RGS7: variants seen among roughly 807,000 people sequenced by gnomAD.
RGS7 encodes regulator of G protein signaling 7.
RGS7 carries 27 observed loss-of-function variants against 81.1 expected under a neutral mutation model. The observed-to-expected ratio is 0.33, with a 90% CI of 0.25 to 0.46. The LOEUF (loss-of-function observed/expected upper bound fraction) is 0.46. Ranked by LOEUF, RGS7 falls within the 20% of genes least tolerant of loss-of-function variation. The pLI, the probability that RGS7 is intolerant of heterozygous loss-of-function variation, is 1.00. For synonymous variants in RGS7, 208 were observed against 207.7 expected (o/e 1.00, Z -0.01); for missense variants, 396 against 607.4 (o/e 0.65, Z 3.66).
intron 2 of RGS7, among the ~76,000 whole-genome samples, chr1:241,193,411 C>G (rs1223235093): frequency 1.3e-5 from 2 of 152,208 alleles, no homozygotes; most frequent in Non-Finnish European, 2.9e-5. Context: ...GGTCAGGTCT[C>G]TTAGAATGAT....
intron 3 of RGS7, among the ~76,000 whole-genome samples, chr1:241,080,623 A>C (rs907833390): frequency 7.2e-5 from 11 of 152,196 alleles, no homozygotes; most frequent in Non-Finnish European, 1.5e-5. Flanking sequence ...CCAGTTAGAA[A>C]TACTGAATTG....
chr1:241,174,901 T>G (rs1001890153), intron 2 of RGS7, among the ~76,000 whole-genome samples: 58 of 135,714 alleles, frequency 4.3e-4, no homozygotes, highest in East Asian at 2.3e-3. Flanking sequence ...TTTTGTTTTT[T>G]TTTTTTTTTT....
chr1:241,118,367 T>C (rs1406730885), intron 2 of RGS7, among the ~76,000 whole-genome samples: 2 of 152,248 alleles, frequency 1.3e-5, no homozygotes, highest in South Asian at 2.1e-4. Flanking sequence ...CGCAAAGAGC[T>C]GTCTAACCTC....
intron 9 of RGS7, among the ~76,000 whole-genome samples, chr1:240,853,826 G>A (rs1476639413): frequency 6.7e-6 from 1 of 149,056 alleles, no homozygotes; most frequent in Admixed American, 6.7e-5. Context: ...GCGTGAACCC[G>A]GGAGGCGGAG....
At chr1:240,853,662 T>C (rs910988020) in intron 9 of RGS7, among the ~76,000 whole-genome samples, 5 of 151,898 alleles carry the variant, frequency 3.3e-5, no homozygotes, top group South Asian at 2.1e-4. Context: ...CCCCAGCACT[T>C]TGGGAGGCCG....
chr1:241,341,403 C>T (rs570136526), intron 2 of RGS7, among the ~76,000 whole-genome samples: 68 of 152,194 alleles, frequency 4.5e-4, no homozygotes, highest in African/African-American at 1.4e-3. Context: ...AATATATATA[C>T]GTACATGTAA....
At chr1:240,957,099 G>A (rs1680566257) in intron 4 of RGS7, among the ~76,000 whole-genome samples, 2 of 152,168 alleles carry the variant, frequency 1.3e-5, no homozygotes, top group South Asian at 4.1e-4. Flanking sequence ...TGAGGCAGTG[G>A]ACTGGCAGAG....
chr1:241,351,997 G>A (rs2083277159), intron 2 of RGS7, among the ~76,000 whole-genome samples: 1 of 152,156 alleles, frequency 6.6e-6, no homozygotes, highest in Non-Finnish European at 1.5e-5. Context: ...TTCAAATGCA[G>A]GAATGTCAGC....
At chr1:240,897,316 A>G (rs906686219) in intron 6 of RGS7, among the ~76,000 whole-genome samples, 11 of 152,116 alleles carry the variant, frequency 7.2e-5, no homozygotes, top group Non-Finnish European at 1.3e-4. Flanking sequence ...TTCCAACACT[A>G]TGTTGAATAG....
intron 2 of RGS7, among the ~76,000 whole-genome samples, chr1:241,139,235 CCTT>C (rs1313623595): frequency 6.6e-6 from 1 of 151,072 alleles, no homozygotes; most frequent in Admixed American, 6.6e-5. Flanking sequence ...TCTCTCCCTC[CCTT>C]CTCTTTCCTT....
At chr1:241,097,017 ACT>A (rs1331265552) in intron 3 of RGS7, among the ~76,000 whole-genome samples, 1 of 152,070 alleles carries the variant, frequency 6.6e-6, no homozygotes, top group East Asian at 1.9e-4. Flanking sequence ...TGTGGAGTTA[ACT>A]CTGAATCCTT....
chr1:241,344,004 C>T (rs12140989), intron 2 of RGS7, among the ~76,000 whole-genome samples: 15,987 of 151,988 alleles, frequency 0.11, 1,093 homozygotes, highest in South Asian at 0.24. Context: ...TTTTATTTAC[C>T]TTTTTATATA....
chr1:240,934,109 A>G, intron 5 of RGS7, among the ~76,000 whole-genome samples: 1 of 152,142 alleles, frequency 6.6e-6, no homozygotes, highest in East Asian at 1.9e-4. Flanking sequence ...GACTACAGGC[A>G]CGCACCATCA....
At chr1:241,323,088 T>C (rs1190468187) in intron 2 of RGS7, among the ~76,000 whole-genome samples, 1 of 152,230 alleles carries the variant, frequency 6.6e-6, no homozygotes, top group African/African-American at 2.4e-5. Flanking sequence ...AGTTTCATCG[T>C]TTAAATATCA....
At chr1:240,968,721 C>G (rs1262774847) in intron 4 of RGS7, among the ~76,000 whole-genome samples, 1 of 152,012 alleles carries the variant, frequency 6.6e-6, no homozygotes, top group African/African-American at 2.4e-5. Context: ...TGGTTTGAGA[C>G]AAATGACAAT....
intron 17 of RGS7, 131 bp downstream of exon 17, chr1:240,801,324 G>A (rs887152310): frequency 1.0e-5 from 7 of 694,890 alleles, no homozygotes; most frequent in Admixed American, 2.1e-5. Context: ...ATGAAGTTCT[G>A]AATTTGAATA....
At chr1:241,246,637 G>C (rs570415576) in intron 2 of RGS7, among the ~76,000 whole-genome samples, 1 of 152,100 alleles carries the variant, frequency 6.6e-6, no homozygotes, top group Admixed American at 6.5e-5. Flanking sequence ...GTAGTCCTTC[G>C]GGGGTAGGCA....
intron 2 of RGS7, among the ~76,000 whole-genome samples, chr1:241,340,708 G>T (rs1282160415): frequency 6.6e-6 from 1 of 151,716 alleles, no homozygotes; most frequent in Admixed American, 6.6e-5. Context: ...ATAAGCAAAA[G>T]ATAAGAGAAA....
intron 2 of RGS7, among the ~76,000 whole-genome samples, chr1:241,169,702 T>C (rs1162996920): frequency 6.6e-6 from 1 of 152,206 alleles, no homozygotes; most frequent in East Asian, 1.9e-4. Context: ...TTGACTTTAC[T>C]GATGGCTAGT....
Sources: allele counts gnomAD v4.1 joint callset (sites outside exome capture counted in the v4.1 genomes callset), GRCh38; gene constraint gnomAD v4.1.1; transcripts MANE v1.5; gene names NCBI Gene and HGNC (gene_info 2026-07-23, HGNC 2026-07-21).